The following CCDC3 variants were observed in gnomAD, a reference collection of about 807,000 sequenced individuals.
The protein encoded by CCDC3 is coiled-coil domain containing 3.
A neutral mutation model predicts 21.4 loss-of-function variants in CCDC3; 24 were observed. The observed-to-expected ratio is 1.12, with a 90% confidence interval of 0.81 to 1.58. The LOEUF is 1.58. Ranked by LOEUF, CCDC3 falls within the 40% of genes most tolerant of loss-of-function variation. The pLI is 0.00. For missense variants in CCDC3, 425 were observed against 360.9 expected, an observed-to-expected ratio of 1.18 and a Z score of -1.44; for synonymous variants, 186 against 166.0, an observed-to-expected ratio of 1.12 and a Z score of -0.93.
At chr10:13,031,138 AAACT>A (rs1372053323) in intron 5 of CCDC3, among the ~76,000 whole-genome samples, 8 of 152,336 alleles carry the variant, frequency 5.3e-5, no homozygotes, top group Admixed American at 5.2e-4. Flanking sequence ...AAATTATAAC[AAACT>A]GTCTCTCAGA....
At chr10:13,047,090 GACAGA>G (rs1836539575) in intron 5 of CCDC3, among the ~76,000 whole-genome samples, 1 of 152,130 alleles carries the variant, frequency 6.6e-6, no homozygotes, top group South Asian at 2.1e-4. Context: ...CGAAAGAGGA[GACAGA>G]ACAGAGAGAC....
intron 5 of CCDC3, among the ~76,000 whole-genome samples, chr10:13,011,808 C>T (rs896926557): frequency 1.3e-5 from 2 of 152,108 alleles, no homozygotes; most frequent in Non-Finnish European, 2.9e-5. Context: ...TACTATAAGG[C>T]TACAGTAATC....
intron 3 of CCDC3, among the ~76,000 whole-genome samples, chr10:13,075,932 A>G (rs1460537337): frequency 6.6e-6 from 1 of 152,198 alleles, no homozygotes; most frequent in African/African-American, 2.4e-5. Context: ...GCATCATGGC[A>G]TGTGCCTGTA....
intron 2 of CCDC3, among the ~76,000 whole-genome samples, chr10:12,904,379 G>A (rs1404410957): frequency 2.7e-5 from 4 of 148,806 alleles, no homozygotes; most frequent in Non-Finnish European, 3.0e-5. Context: ...TGAAGCTAGA[G>A]GATCACTTGA....
At chr10:13,030,145 A>C (rs1016121268) in intron 5 of CCDC3, among the ~76,000 whole-genome samples, 104 of 152,356 alleles carry the variant, frequency 6.8e-4, no homozygotes, top group African/African-American at 2.5e-3. Context: ...CAGATCTCTC[A>C]GCAGAAACTC....
At chr10:12,957,909 G>A (rs1273753497) in intron 2 of CCDC3, among the ~76,000 whole-genome samples, 12 of 152,106 alleles carry the variant, frequency 7.9e-5, no homozygotes, top group Non-Finnish European at 2.9e-5. Context: ...GCAGTGGCGT[G>A]ATCTTGGCCT....
intron 3 of CCDC3, among the ~76,000 whole-genome samples, chr10:13,084,113 A>G (rs1837074786): frequency 6.6e-6 from 1 of 152,174 alleles, no homozygotes; most frequent in African/African-American, 2.4e-5. Flanking sequence ...GTCATTAAGA[A>G]AATTAATCCT....
intron 2 of CCDC3, among the ~76,000 whole-genome samples, chr10:12,985,104 GA>G (rs1254287062): frequency 6.6e-6 from 1 of 152,080 alleles, no homozygotes; most frequent in Admixed American, 6.5e-5. Context: ...TAAAGCTATA[GA>G]TTTTTTTTAA....
At chr10:12,961,432 T>C (rs115148517) in intron 2 of CCDC3, among the ~76,000 whole-genome samples, 1 of 152,170 alleles carries the variant, frequency 6.6e-6, no homozygotes, top group Non-Finnish European at 1.5e-5. Context: ...CAAATAACAT[T>C]CGGGGTGGAG....
At chr10:13,044,096 C>A (rs528150551) in intron 5 of CCDC3, among the ~76,000 whole-genome samples, 1 of 152,276 alleles carries the variant, frequency 6.6e-6, no homozygotes, top group African/African-American at 2.4e-5. Flanking sequence ...ATTTGCATTT[C>A]TCTGATGATT....
chr10:12,934,992 G>A (rs1167470885), intron 2 of CCDC3, among the ~76,000 whole-genome samples: 2 of 151,674 alleles, frequency 1.3e-5, no homozygotes, highest in Admixed American at 6.6e-5. Flanking sequence ...GTACCATTAC[G>A]TAACAAACTC....
chr10:13,041,575 G>A (rs1836456951), intron 5 of CCDC3, among the ~76,000 whole-genome samples: 1 of 123,552 alleles, frequency 8.1e-6, no homozygotes, highest in Admixed American at 1.0e-4. Flanking sequence ...GCCCAGGCTG[G>A]AGTGCAATGG....
intron 2 of CCDC3, among the ~76,000 whole-genome samples, chr10:12,960,459 T>A (rs1453252380): frequency 1.3e-5 from 2 of 152,146 alleles, no homozygotes; most frequent in Non-Finnish European, 2.9e-5. Flanking sequence ...TCAAGGCTTA[T>A]CTGCCTGTTG....
At chr10:12,925,702 C>T (rs902501553) in intron 2 of CCDC3, among the ~76,000 whole-genome samples, 1 of 151,634 alleles carries the variant, frequency 6.6e-6, no homozygotes, top group South Asian at 2.1e-4. Context: ...GGTGTGCACA[C>T]AGCCATTGTA....
intron 5 of CCDC3, among the ~76,000 whole-genome samples, chr10:13,048,401 C>T (rs899989710): frequency 5.9e-5 from 9 of 152,154 alleles, no homozygotes; most frequent in Admixed American, 5.9e-4. Context: ...ACCATGTTGG[C>T]CAGGACAGTC....
intron 4 of CCDC3, among the ~76,000 whole-genome samples, chr10:13,072,503 A>T (rs904883977): frequency 6.6e-6 from 1 of 152,194 alleles, no homozygotes; most frequent in Non-Finnish European, 1.5e-5. Flanking sequence ...TGTACAGATG[A>T]GGGAACATGC....
intron 4 of CCDC3, chr10:13,058,454 A>G (rs1399691766): frequency 1.3e-6 from 1 of 757,986 alleles, no homozygotes; most frequent in African/African-American, 1.7e-5. Context: ...TGCTGCGCAG[A>G]CTATCATATC....
At chr10:13,076,476 G>A (rs1836965954) in intron 3 of CCDC3, among the ~76,000 whole-genome samples, 1 of 152,174 alleles carries the variant, frequency 6.6e-6, no homozygotes, top group African/African-American at 2.4e-5. Flanking sequence ...AAAGCAAAAA[G>A]TTTCTTCCTC....
intron 5 of CCDC3, among the ~76,000 whole-genome samples, chr10:13,044,393 C>T (rs1468603368): frequency 1.3e-5 from 2 of 152,170 alleles, no homozygotes; most frequent in Non-Finnish European, 1.5e-5. Flanking sequence ...GTTGCAATTG[C>T]TTTTGAGGAC....
Sources: allele counts gnomAD v4.1 joint callset (sites outside exome capture counted in the v4.1 genomes callset), GRCh38; gene constraint gnomAD v4.1.1; transcripts MANE v1.5; gene names NCBI Gene and HGNC (gene_info 2026-07-23, HGNC 2026-07-21).